Variants in TMEM178B observed in about 807,000 individuals in gnomAD.
The protein encoded by TMEM178B is transmembrane protein 178B.
Under a neutral mutation model 31.0 loss-of-function variants are expected in TMEM178B, and 5 were observed. The observed-to-expected ratio is 0.16, with a 90% confidence interval of 0.08 to 0.34. TMEM178B has a LOEUF of 0.34. TMEM178B is among the 10% of genes least tolerant of loss of function. TMEM178B has a pLI of 1.00. For synonymous variants in TMEM178B, 164 were observed against 164.0 expected (o/e 1.00, Z 0.00); for missense variants, 275 against 400.3 (o/e 0.69, Z 2.67).
intron 1 of TMEM178B, among the ~76,000 whole-genome samples, chr7:141,184,165 G>A (rs1426823688): frequency 2.0e-5 from 3 of 152,128 alleles, no homozygotes; most frequent in Non-Finnish European, 4.4e-5. Context: ...AAATATCAGG[G>A]CCTAGTAATC....
intron 2 of TMEM178B, among the ~76,000 whole-genome samples, chr7:141,402,204 C>CT (rs1229669715): frequency 6.6e-6 from 1 of 152,202 alleles, no homozygotes; most frequent in Non-Finnish European, 1.5e-5. Flanking sequence ...GCAATGGACA[C>CT]TATTCTAGTT....
At chr7:141,129,308 T>C (rs902513526) in intron 1 of TMEM178B, among the ~76,000 whole-genome samples, 5 of 152,254 alleles carry the variant, frequency 3.3e-5, no homozygotes, top group Non-Finnish European at 7.3e-5. Flanking sequence ...AGATGTCATA[T>C]AAGAAATATT....
At chr7:141,405,040 A>G (rs747399837) in intron 2 of TMEM178B, among the ~76,000 whole-genome samples, 1 of 152,188 alleles carries the variant, frequency 6.6e-6, no homozygotes, top group African/African-American at 2.4e-5. Flanking sequence ...CTCCTACATC[A>G]GCACAGGCTT....
intron 2 of TMEM178B, among the ~76,000 whole-genome samples, chr7:141,261,652 C>T (rs768293124): frequency 2.6e-5 from 4 of 152,114 alleles, no homozygotes; most frequent in African/African-American, 4.8e-5. Context: ...GACTGAGCTC[C>T]GGCCCCGCTC....
intron 1 of TMEM178B, among the ~76,000 whole-genome samples, chr7:141,190,976 G>A (rs1314712729): frequency 6.6e-6 from 1 of 152,092 alleles, no homozygotes; most frequent in East Asian, 1.9e-4. Context: ...CTTGGAAACT[G>A]CAATTTTAAG....
chr7:141,212,681 G>A lies in TMEM178B; in HGVS notation c.473G>A (p.Arg158His), dbSNP rs1049056387. ...ACTTTCAATATCACGAAGACCATCC[G>A]TCAGGATGAGTGGCATGCCCTACGT... ...NLTFNITKTI[R>H]QDEWHALHLR... The change falls in exon 2 of 4, where the codon CGT (arginine) becomes CAT (histidine). Residue 158 changes from arginine to histidine, a missense_variant. Physicochemically the swap from Arg to His is conservative, Grantham distance 29 (BLOSUM62 0). Transcript: ENST00000565468. 3.5e-5 allele frequency: 54 copies of A among 1,535,854 alleles called. No individual in the cohort carries two copies. Among genetic ancestry groups the A allele is most frequent in the South Asian group, 7.1e-5 (6 of 84,058 alleles).
chr7:141,442,662 C>G (rs1048795819), intron 3 of TMEM178B, among the ~76,000 whole-genome samples: 1 of 152,190 alleles, frequency 6.6e-6, no homozygotes, highest in African/African-American at 2.4e-5. Flanking sequence ...CTTGTAATCC[C>G]TTGTGGATGG....
In TMEM178B at chr7:141,472,266, A is replaced by G. The variant is rs1036345064; in HGVS notation, c.*1480A>G. On this transcript the variant is annotated 3_prime_UTR_variant, in exon 4 of 4. Transcript: ENST00000565468. ...AAGTTTGTATGATATTGTGTAAATT[A>G]ATGCAGAACTCTTGACTCTTTCCAT... 8 of 152,134 alleles carry G rather than the reference A, an allele frequency of 5.3e-5. No homozygotes were observed. The highest frequency in any genetic ancestry group is 1.9e-4 in the African/African-American group (8 of 41,430). The allele number at this position is 152,134 out of a possible 1,614,324, so 9.4% of individuals were successfully genotyped here.
chr7:141,307,078 A>G (rs1379218637), intron 2 of TMEM178B, among the ~76,000 whole-genome samples: 3 of 152,114 alleles, frequency 2.0e-5, no homozygotes. Flanking sequence ...GCAGCCCTTC[A>G]CACCATGTTG....
At chr7:141,429,666 C>T (rs10233514) in intron 2 of TMEM178B, 44,943 of 152,014 alleles carry the variant, frequency 0.3, 6,921 homozygotes, top group South Asian at 0.43. Flanking sequence ...TATATTATAT[C>T]CTTGAAAAAT....
rs731636 is a variant in TMEM178B, at chr7:141,350,778, T to C, written c.497-86830T>C. Among the ~76,000 whole-genome samples, 771 of 152,304 alleles carry C rather than the reference T, an allele frequency of 5.1e-3. 5 individuals carry two copies. Among genetic ancestry groups the C allele is most frequent in the African/African-American group, 0.016 (666 of 41,552 alleles). ...AACGTGTATTTTTGTTTTCTTTTTCTTACATACACACACACAAAACAAAAG... is the reference window on the plus strand; with the variant it reads ...AACGTGTATTTTTGTTTTCTTTTTCCTACATACACACACACAAAACAAAAG... On this transcript the variant is annotated intron_variant, in intron 2 of 3. Coordinates refer to ENST00000565468, the MANE Select transcript of TMEM178B (RefSeq NM_001195278.2).
At chr7:141,510,698 AAAAAAAAAAAAAAAG>A in the TMEM178B span, among the ~76,000 whole-genome samples, 4 of 144,452 alleles carry the variant, frequency 2.8e-5, no homozygotes, top group African/African-American at 1.1e-4. Flanking sequence ...AAAAAAAAAA[AAAAAAAAAAAAAAAG>A]AAAAAAAAAG....
chr7:141,339,331 G>C lies in TMEM178B; in HGVS notation c.497-98277G>C, dbSNP rs1586901295. ...CGTCCGCCTCAGTGGACAGGGCCCA[G>C]AGAATGGGCAGTGTGCTGCAGCAGA... On this transcript the variant is annotated intron_variant, in intron 2 of 3. Transcript: ENST00000565468. Among the ~76,000 whole-genome samples, 3 of 152,310 alleles carry C rather than the reference G, an allele frequency of 2.0e-5. No homozygotes were observed. The East Asian group carries it at 5.8e-4, about 29-fold the overall frequency.
chr7:141,159,963 C>T (rs1250291470), intron 1 of TMEM178B, among the ~76,000 whole-genome samples: 2 of 148,588 alleles, frequency 1.3e-5, no homozygotes, highest in East Asian at 2.0e-4. Context: ...AAAAATTGTT[C>T]AATAATGGGG....
intron 2 of TMEM178B, among the ~76,000 whole-genome samples, chr7:141,428,222 G>T (rs1378624933): frequency 6.6e-6 from 1 of 151,984 alleles, no homozygotes; most frequent in Non-Finnish European, 1.5e-5. Flanking sequence ...AAAAAAATTA[G>T]CTGGGCATGG....
At chr7:141,176,953 GT>G (rs1215054714) in intron 1 of TMEM178B, among the ~76,000 whole-genome samples, 18 of 152,186 alleles carry the variant, frequency 1.2e-4, no homozygotes, top group Admixed American at 3.3e-4. Context: ...GTCTCCTTCA[GT>G]TCTGTTCTGA....
chr7:141,500,091 G>C, the TMEM178B span, among the ~76,000 whole-genome samples: 1 of 152,164 alleles, frequency 6.6e-6, no homozygotes, highest in Non-Finnish European at 1.5e-5. Context: ...GTATAGAGGA[G>C]AGCATCCAGA....
chr7:141,343,981 G>A (rs1799564068), intron 2 of TMEM178B, among the ~76,000 whole-genome samples: 1 of 152,080 alleles, frequency 6.6e-6, no homozygotes, highest in Admixed American at 6.6e-5. Flanking sequence ...AAACCTCTTT[G>A]GGAACAAAAT....
chr7:141,182,364 G>T (rs182698118), intron 1 of TMEM178B, among the ~76,000 whole-genome samples: 43 of 152,330 alleles, frequency 2.8e-4, no homozygotes, highest in Admixed American at 2.7e-3. Context: ...AGAAGTTATT[G>T]TGTGTTAAGG....
Sources: gnomAD v4.1 joint callset for allele counts (sites outside exome capture counted in the v4.1 genomes callset) on GRCh38, gnomAD v4.1.1 for gene constraint, MANE v1.5 for transcripts, NCBI Gene and HGNC (gene_info 2026-07-23, HGNC 2026-07-21) for gene names.